The following NR1H4 variants were observed in gnomAD, a reference collection of about 807,000 sequenced individuals.
The protein encoded by NR1H4 is nuclear receptor subfamily 1 group H member 4.
A neutral mutation model predicts 58.5 loss-of-function variants in NR1H4; 23 were observed. The observed-to-expected ratio is 0.39, with a 90% CI of 0.28 to 0.56. The LOEUF is 0.56. Ranked by LOEUF, NR1H4 falls within the 20% of genes least tolerant of loss-of-function variation. The pLI is 0.58. For missense variants in NR1H4, 487 were observed against 576.9 expected, an observed-to-expected ratio of 0.84 and a Z score of 1.60; for synonymous variants, 214 against 198.0, an observed-to-expected ratio of 1.08 and a Z score of -0.68.
At chr12:100,503,512 C>A (rs188325336) in intron 3 of NR1H4, 3 of 1,568,216 alleles carry the variant, frequency 1.9e-6, no homozygotes, top group Non-Finnish European at 2.6e-6. Flanking sequence ...ACACTGTTCA[C>A]AGGTGCTTTC....
At chr12:100,516,869 T>C (rs180920980) in intron 4 of NR1H4, among the ~76,000 whole-genome samples, 170 of 152,340 alleles carry the variant, frequency 1.1e-3, no homozygotes, top group Non-Finnish European at 1.9e-3. Context: ...TTATTAATTC[T>C]CATATCTTAT....
At chr12:100,489,836 T>C (rs941604457) in intron 1 of NR1H4, among the ~76,000 whole-genome samples, 2 of 152,218 alleles carry the variant, frequency 1.3e-5, no homozygotes, top group Non-Finnish European at 2.9e-5. Flanking sequence ...AAAATTTAGT[T>C]TCTTTTTTTT....
chr12:100,483,977 C>CT (rs1165721079), intron 1 of NR1H4, among the ~76,000 whole-genome samples: 1 of 133,382 alleles, frequency 7.5e-6, no homozygotes, highest in Admixed American at 7.7e-5. Flanking sequence ...GAGCAAGACT[C>CT]TGTCTCAGAA....
intron 9 of NR1H4, among the ~76,000 whole-genome samples, chr12:100,560,612 T>C (rs1055016977): frequency 1.3e-5 from 2 of 152,174 alleles, no homozygotes; most frequent in African/African-American, 4.8e-5. Flanking sequence ...AGACTCCAGA[T>C]GTGCCACCTT....
chr12:100,534,367 C>T (rs1954766196), intron 5 of NR1H4, among the ~76,000 whole-genome samples: 1 of 152,140 alleles, frequency 6.6e-6, no homozygotes, highest in South Asian at 2.1e-4. Context: ...ATTTGTTTTT[C>T]TCAATAAGTT....
intron 8 of NR1H4, among the ~76,000 whole-genome samples, chr12:100,537,960 C>T (rs1391261908): frequency 6.6e-6 from 1 of 152,136 alleles, no homozygotes; most frequent in Non-Finnish European, 1.5e-5. Context: ...GTGAGCTGCC[C>T]GACTTGGCCA....
intron 4 of NR1H4, among the ~76,000 whole-genome samples, chr12:100,528,184 G>T (rs1954608496): frequency 6.6e-6 from 1 of 152,210 alleles, no homozygotes; most frequent in Admixed American, 6.5e-5. Context: ...TCAGTCACTG[G>T]AGTCTGGCAC....
intron 8 of NR1H4, among the ~76,000 whole-genome samples, chr12:100,539,389 GC>G (rs1404139277): frequency 1.3e-5 from 2 of 152,232 alleles, no homozygotes; most frequent in African/African-American, 4.8e-5. Flanking sequence ...CACAACCTGT[GC>G]CAGGCACTGT....
intron 8 of NR1H4, among the ~76,000 whole-genome samples, chr12:100,537,322 C>T (rs1211897080): frequency 6.6e-6 from 1 of 152,148 alleles, no homozygotes; most frequent in Non-Finnish European, 1.5e-5. Flanking sequence ...CTACTATAGA[C>T]ATAAGATATT....
chr12:100,534,991 C>G lies in NR1H4; in HGVS notation c.700C>G (p.Arg234Gly), dbSNP rs769810655. The stretch of plus-strand genomic sequence containing the variant: ...TGAAGACAGTGAAGGTCGTGACTTG[C>G]GACAAGTGACCTCGACAACAAAGTC... ...VNEDSEGRDL[R>G]QVTSTTKSCR... Residue 234 changes from arginine (R) to glycine (G), a missense_variant, in exon 6 of 11, where the codon CGA becomes GGA. By Grantham distance (125) the Arg-to-Gly change is moderately radical. Transcript: ENST00000392986. 1.3e-5 allele frequency: 21 copies of G among 1,614,040 alleles called. No homozygotes were observed. Among genetic ancestry groups the G allele is most frequent in the Non-Finnish European group, 1.7e-5 (20 of 1,180,036 alleles).
chr12:100,541,065 G>T (rs1316598348), intron 9 of NR1H4, among the ~76,000 whole-genome samples: 1 of 152,140 alleles, frequency 6.6e-6, no homozygotes, highest in East Asian at 1.9e-4. Context: ...GCCAAAGGAA[G>T]ACTTTTTTAA....
Position 100,561,526 on chromosome 12 carries a change from C to T in NR1H4, c.1079-359C>T, listed in dbSNP as rs35974144. ...AAGATGTGATCTCTGCCTTAATTAT[C>T]GATAGTCATATTCAAAAGATTCACT... On this transcript the variant is annotated intron_variant, in intron 9 of 10. Transcript: ENST00000392986. Among the ~76,000 whole-genome samples the T allele has an allele frequency of 7.6e-3, 1,156 of 152,236 alleles. 21 individuals carry two copies. The highest frequency in any genetic ancestry group is 0.023 in the African/African-American group (945 of 41,548).
chr12:100,545,662 A>AAC (rs1565777439), intron 9 of NR1H4, among the ~76,000 whole-genome samples: 2 of 140,766 alleles, frequency 1.4e-5, no homozygotes, highest in South Asian at 2.1e-4. Flanking sequence ...AAAAAAAAAA[A>AAC]AAAAAAACCA....
At chr12:100,491,828 A>G (rs1953612026) in intron 1 of NR1H4, among the ~76,000 whole-genome samples, 1 of 151,938 alleles carries the variant, frequency 6.6e-6, no homozygotes, top group African/African-American at 2.4e-5. Flanking sequence ...TCTTCCCATC[A>G]ATGCAGATTG....
chr12:100,510,607 T>TTATATATATATATA lies in NR1H4; in HGVS notation c.80-156_80-143dup, dbSNP rs34480475. Among the ~76,000 whole-genome samples the TTATATATATATATA allele has an allele frequency of 7.3e-3, 977 of 133,476 alleles. 11 individuals carry two copies. The highest frequency in any genetic ancestry group is 0.029 in the East Asian group (123 of 4,216). 87.6% of individuals were successfully genotyped at this position (133,476 alleles called of 152,430 possible). ...TGAATTTTTAATTTGTCATTTAATT[T>TTATATATATATATA]TATATATATATATATATATATATAT... On this transcript the variant is annotated intron_variant, in intron 3 of 10. Coordinates refer to ENST00000392986, the MANE Select transcript of NR1H4 (RefSeq NM_001206979.2).
At chr12:100,553,516 A>G (rs553183013) in intron 9 of NR1H4, among the ~76,000 whole-genome samples, 1 of 152,320 alleles carries the variant, frequency 6.6e-6, no homozygotes, top group East Asian at 1.9e-4. Context: ...CTTGTATTTC[A>G]GGAAAAAGCA....
intron 1 of NR1H4, among the ~76,000 whole-genome samples, chr12:100,478,034 A>G (rs1027245347): frequency 1.3e-5 from 2 of 152,182 alleles, no homozygotes; most frequent in African/African-American, 4.8e-5. Context: ...ACACTTGTCA[A>G]GACCCATAGA....
chr12:100,527,319 G>A (rs1954583732), intron 4 of NR1H4, among the ~76,000 whole-genome samples: 3 of 152,212 alleles, frequency 2.0e-5, no homozygotes, highest in Admixed American at 2.0e-4. Context: ...CTTGAGCCCA[G>A]GAGTGAGAGA....
chr12:100,514,135 A>G (rs368523284), intron 4 of NR1H4, among the ~76,000 whole-genome samples: 22 of 152,292 alleles, frequency 1.4e-4, no homozygotes, highest in African/African-American at 5.3e-4. Flanking sequence ...TTGTCCCAAC[A>G]ATGAGATTGG....
Sources: gnomAD v4.1 joint callset for allele counts (sites outside exome capture counted in the v4.1 genomes callset) on GRCh38, gnomAD v4.1.1 for gene constraint, MANE v1.5 for transcripts, NCBI Gene and HGNC (gene_info 2026-07-23, HGNC 2026-07-21) for gene names.